Variants in ARB2A observed in about 807,000 individuals in gnomAD.
ARB2A encodes ARB2 cotranscriptional regulator A, also known as cotranscriptional regulator ARB2A.
the ARB2A span, among the ~76,000 whole-genome samples, chr5:94,102,951 T>C: frequency 4.6e-5 from 7 of 152,160 alleles, no homozygotes; most frequent in African/African-American, 1.7e-4. Flanking sequence ...TAAAATCCTT[T>C]TCAGATAAGC....
At chr5:93,984,713 C>G in the ARB2A span, among the ~76,000 whole-genome samples, 1 of 152,120 alleles carries the variant, frequency 6.6e-6, no homozygotes, top group Non-Finnish European at 1.5e-5. Flanking sequence ...GTGTACTGAA[C>G]TATAAGCACC....
At chr5:93,916,911 A>T in the ARB2A span, among the ~76,000 whole-genome samples, 9 of 152,292 alleles carry the variant, frequency 5.9e-5, no homozygotes, top group East Asian at 1.4e-3. Flanking sequence ...TTTTACAAAG[A>T]AAAGTATAAA....
the ARB2A span, among the ~76,000 whole-genome samples, chr5:93,853,501 A>C: frequency 1.3e-5 from 2 of 152,106 alleles, no homozygotes; most frequent in Admixed American, 6.6e-5. Flanking sequence ...TATGTTGAAT[A>C]GGAGTGGTGA....
the ARB2A span, among the ~76,000 whole-genome samples, chr5:94,076,482 T>C: frequency 2.0e-5 from 3 of 152,138 alleles, 1 homozygote; most frequent in South Asian, 4.1e-4. Context: ...GTAAAACAAA[T>C]ATGGTCACTG....
the ARB2A span, among the ~76,000 whole-genome samples, chr5:93,902,065 A>T: frequency 6.6e-6 from 1 of 152,120 alleles, no homozygotes; most frequent in Admixed American, 6.6e-5. Context: ...CTTCAAGTGT[A>T]GTAGGTAGTA....
the ARB2A span, among the ~76,000 whole-genome samples, chr5:94,081,591 C>CA: frequency 1.3e-4 from 19 of 151,444 alleles, no homozygotes; most frequent in South Asian, 4.2e-4. Flanking sequence ...AGCCAATTAC[C>CA]AAAAAAAACC....
chr5:93,701,319 C>G, the ARB2A span, among the ~76,000 whole-genome samples: 1 of 152,106 alleles, frequency 6.6e-6, no homozygotes, highest in Non-Finnish European at 1.5e-5. Context: ...ACTTTCAATA[C>G]GCCCATACAT....
the ARB2A span, among the ~76,000 whole-genome samples, chr5:94,061,399 CAAGA>C: frequency 6.6e-6 from 1 of 152,136 alleles, no homozygotes; most frequent in Non-Finnish European, 1.5e-5. Context: ...AGGTTGAAAA[CAAGA>C]AAGAATATCC....
the ARB2A span, among the ~76,000 whole-genome samples, chr5:94,017,625 G>A: frequency 6.6e-6 from 1 of 152,154 alleles, no homozygotes; most frequent in African/African-American, 2.4e-5. Flanking sequence ...ATGCTAAATA[G>A]ACTCCAGCCT....
At chr5:93,735,181 C>T in the ARB2A span, 2 of 152,170 alleles carry the variant, frequency 1.3e-5, no homozygotes, top group Non-Finnish European at 2.9e-5. Flanking sequence ...TTTAAGGGAT[C>T]TTCTGATTAA....
the ARB2A span, among the ~76,000 whole-genome samples, chr5:94,090,789 T>C: frequency 6.6e-6 from 1 of 152,206 alleles, no homozygotes; most frequent in Non-Finnish European, 1.5e-5. Flanking sequence ...TAACATGTGG[T>C]TTTTGTCATT....
the ARB2A span, chr5:93,805,428 T>C: frequency 8.1e-5 from 80 of 985,074 alleles, no homozygotes; most frequent in African/African-American, 1.3e-3. Flanking sequence ...ATGTTTAGAG[T>C]GTAAGCACGG....
At chr5:93,853,854 G>T in the ARB2A span, among the ~76,000 whole-genome samples, 1 of 152,154 alleles carries the variant, frequency 6.6e-6, no homozygotes, top group Non-Finnish European at 1.5e-5. Context: ...GCTGGATTCA[G>T]TTTGCCAGTA....
chr5:93,853,298 C>T, the ARB2A span, among the ~76,000 whole-genome samples: 1 of 152,218 alleles, frequency 6.6e-6, no homozygotes, highest in East Asian at 1.9e-4. Context: ...GATTTTTGTA[C>T]ATTGATTTTG....
the ARB2A span, among the ~76,000 whole-genome samples, chr5:93,775,387 A>C: frequency 6.6e-6 from 1 of 152,222 alleles, no homozygotes; most frequent in Admixed American, 6.5e-5. Flanking sequence ...CATTTCTGCT[A>C]TCAGTTATAA....
At chr5:93,955,908 C>T in the ARB2A span, among the ~76,000 whole-genome samples, 13,945 of 152,158 alleles carry the variant, frequency 0.092, 810 homozygotes, top group Middle Eastern at 0.16. Flanking sequence ...TTTTTAGAGA[C>T]CAGTGGAAAT....
the ARB2A span, among the ~76,000 whole-genome samples, chr5:94,092,103 G>C: frequency 6.6e-6 from 1 of 151,524 alleles, no homozygotes; most frequent in African/African-American, 2.4e-5. Flanking sequence ...TGTAATCCCA[G>C]CATTTTGGGA....
chr5:93,867,030 T>TA, the ARB2A span, among the ~76,000 whole-genome samples: 2 of 152,178 alleles, frequency 1.3e-5, no homozygotes, highest in Non-Finnish European at 2.9e-5. Flanking sequence ...ATAGCAACAT[T>TA]ACAAAAACAT....
the ARB2A span, among the ~76,000 whole-genome samples, chr5:93,988,020 C>G: frequency 3.3e-5 from 5 of 152,142 alleles, no homozygotes; most frequent in Non-Finnish European, 1.5e-5. Context: ...AGTCTATAAG[C>G]CTAAGTGTTT....
Sources: allele counts gnomAD v4.1 joint callset (sites outside exome capture counted in the v4.1 genomes callset), GRCh38; gene constraint gnomAD v4.1.1; transcripts MANE v1.5; gene names NCBI Gene and HGNC (gene_info 2026-07-23, HGNC 2026-07-21).